KDM4C: variants seen among roughly 807,000 people sequenced by gnomAD.
KDM4C encodes the protein lysine-specific demethylase 4C.
KDM4C carries 81 observed loss-of-function variants against 129.3 expected under a neutral mutation model. The ratio of observed to expected loss-of-function variants is 0.63; its 90% CI spans 0.52 to 0.75. KDM4C has a LOEUF of 0.75. Among genes scored for constraint, KDM4C ranks in the 30% least tolerant of loss-of-function variants. KDM4C has a pLI of 0.00. For missense variants in KDM4C, 1,457 were observed against 1,304.0 expected (o/e 1.12, Z -1.81); for synonymous variants, 573 against 456.1 (o/e 1.26, Z -3.26).
chr9:6,980,533 C>T (rs1816589765), intron 8 of KDM4C, among the ~76,000 whole-genome samples: 1 of 152,170 alleles, frequency 6.6e-6, no homozygotes, highest in South Asian at 2.1e-4. Context: ...ATCACACATT[C>T]ATTGGGTTAT....
chr9:7,093,511 T>C (rs1050022122), intron 17 of KDM4C, among the ~76,000 whole-genome samples: 7 of 152,230 alleles, frequency 4.6e-5, no homozygotes, highest in Middle Eastern at 3.2e-3. Flanking sequence ...ACTGTATTCA[T>C]GTAACTTATA....
intron 15 of KDM4C, among the ~76,000 whole-genome samples, chr9:7,037,859 G>C (rs913300464): frequency 8.6e-5 from 13 of 151,946 alleles, no homozygotes; most frequent in Non-Finnish European, 1.8e-4. Context: ...GTTTTGTTTT[G>C]GGGAACATTG....
chr9:6,797,155 A>AT (rs772360062), intron 2 of KDM4C, among the ~76,000 whole-genome samples: 9 of 151,254 alleles, frequency 6.0e-5, no homozygotes, highest in Non-Finnish European at 1.3e-4. Flanking sequence ...AATTTTTTTT[A>AT]TTTTTTGTTT....
Position 6,981,054 on chromosome 9 carries a change from G to A in KDM4C, c.1051G>A (p.Ala351Thr). The A allele has an allele frequency of 6.2e-7, 1 of 1,613,664 alleles. No individual in the cohort carries two copies. Among genetic ancestry groups the A allele is most frequent in the Non-Finnish European group, 8.5e-7 (1 of 1,179,764 alleles). ...CATTGATCACACGAAGCCTACTCCA[G>A]CATCCACCCCTGAAGTAAAAGCATG... ...YTIDHTKPTP[A>T]STPEVKAWLQ... Residue 351 changes from alanine to threonine, a missense_variant, in exon 9 of 22, where the codon GCA becomes ACA. Ala to Thr is a moderately conservative substitution (Grantham distance 58). Transcript: ENST00000381309.
intron 2 of KDM4C, among the ~76,000 whole-genome samples, chr9:6,795,964 C>T (rs926965942): frequency 3.3e-5 from 5 of 152,066 alleles, no homozygotes; most frequent in African/African-American, 1.2e-4. Context: ...CAGCCACTGC[C>T]CCTGGCCCCT....
At chr9:7,061,916 A>G (rs753036833) in intron 17 of KDM4C, among the ~76,000 whole-genome samples, 2 of 152,230 alleles carry the variant, frequency 1.3e-5, no homozygotes, top group Non-Finnish European at 2.9e-5. Flanking sequence ...CAGCACTTCC[A>G]GAGACACCTG....
At chr9:7,157,432 G>A (rs987855595) in intron 19 of KDM4C, among the ~76,000 whole-genome samples, 11 of 152,022 alleles carry the variant, frequency 7.2e-5, no homozygotes, top group South Asian at 4.2e-4. Flanking sequence ...GTCTTGTGCC[G>A]CTTTTTAAAG....
intron 4 of KDM4C, among the ~76,000 whole-genome samples, chr9:6,819,488 C>T (rs1222364601): frequency 6.6e-6 from 1 of 152,160 alleles, no homozygotes; most frequent in East Asian, 1.9e-4. Flanking sequence ...ACCTACAAGG[C>T]AGTATTTTAT....
chr9:6,970,826 C>A (rs988082773), intron 8 of KDM4C, among the ~76,000 whole-genome samples: 1 of 143,392 alleles, frequency 7.0e-6, no homozygotes, highest in Non-Finnish European at 1.5e-5. Context: ...CCGGTCTCAC[C>A]CCCAGGGTAC....
At chr9:6,813,842 A>T (rs906652917) in intron 3 of KDM4C, among the ~76,000 whole-genome samples, 1 of 152,188 alleles carries the variant, frequency 6.6e-6, no homozygotes, top group Admixed American at 6.5e-5. Flanking sequence ...ACTATTATGT[A>T]ACCTGATTTA....
chr9:6,769,095 A>T (rs116588746), intron 1 of KDM4C, among the ~76,000 whole-genome samples: 1,531 of 152,220 alleles, frequency 0.01, 26 homozygotes, highest in African/African-American at 0.035. Context: ...ATTTTAAAAA[A>T]GGAAATTTTC....
chr9:7,007,061 C>G (rs949712477), intron 12 of KDM4C, among the ~76,000 whole-genome samples: 1 of 152,206 alleles, frequency 6.6e-6, no homozygotes, highest in African/African-American at 2.4e-5. Context: ...AAGTTAGTAT[C>G]TGGTTTCCCC....
chr9:6,925,434 CCTTTTCCT>C (rs1822300906), intron 8 of KDM4C: 2 of 929,688 alleles, frequency 2.2e-6, no homozygotes, highest in South Asian at 1.0e-4. Flanking sequence ...CCTCCTTTCC[CCTTTTCCT>C]CTTCCCCCTT....
chr9:7,005,015 C>CA (rs758158971), intron 12 of KDM4C, among the ~76,000 whole-genome samples: 5 of 152,162 alleles, frequency 3.3e-5, no homozygotes, highest in Non-Finnish European at 7.3e-5. Flanking sequence ...CAGCGAGACT[C>CA]ACATTTATTC....
At chr9:6,879,001 A>G (rs1256138737) in intron 5 of KDM4C, among the ~76,000 whole-genome samples, 2 of 152,184 alleles carry the variant, frequency 1.3e-5, no homozygotes, top group Non-Finnish European at 2.9e-5. Context: ...ATATGATTGA[A>G]TTTTCTTTTA....
At chr9:7,036,826 C>T (rs986522001) in intron 15 of KDM4C, among the ~76,000 whole-genome samples, 1 of 152,252 alleles carries the variant, frequency 6.6e-6, no homozygotes, top group African/African-American at 2.4e-5. Flanking sequence ...CTGTGTTGCT[C>T]AGGGTCTAGA....
intron 1 of KDM4C, among the ~76,000 whole-genome samples, chr9:6,779,178 G>A (rs192939622): frequency 4.0e-5 from 6 of 151,898 alleles, no homozygotes; most frequent in East Asian, 1.9e-4. Flanking sequence ...ACAGGTGCCC[G>A]CCACCATGCC....
chr9:7,119,445 G>A (rs967716041), intron 18 of KDM4C, among the ~76,000 whole-genome samples: 1 of 152,042 alleles, frequency 6.6e-6, no homozygotes, highest in African/African-American at 2.4e-5. Context: ...AACAGTTTTT[G>A]TAACTGTCTA....
chr9:7,044,676 A>G (rs575816960), intron 15 of KDM4C, among the ~76,000 whole-genome samples: 2 of 151,944 alleles, frequency 1.3e-5, no homozygotes, highest in African/African-American at 4.8e-5. Flanking sequence ...TCAGTTTTGC[A>G]TGTGTGTTTG....
Sources: allele counts gnomAD v4.1 joint callset (sites outside exome capture counted in the v4.1 genomes callset), GRCh38; gene constraint gnomAD v4.1.1; transcripts MANE v1.5; gene names NCBI Gene and HGNC (gene_info 2026-07-23, HGNC 2026-07-21).